Variants in RYR2 observed in about 807,000 individuals in gnomAD.
RYR2 encodes ryanodine receptor 2.
Under a neutral mutation model 601.1 loss-of-function variants are expected in RYR2, and 227 were observed. That is an observed-to-expected ratio of 0.38 (90% CI 0.34 to 0.42). The LOEUF is 0.42. Among genes scored for constraint, RYR2 ranks in the 10% least tolerant of loss-of-function variants. RYR2 has a pLI of 1.00. For synonymous variants in RYR2, 2,223 were observed against 2,175.1 expected (o/e 1.02, Z -0.61); for missense variants, 4,646 against 6,156.5 (o/e 0.75, Z 8.21).
intron 2 of RYR2, among the ~76,000 whole-genome samples, chr1:237,272,755 C>T (rs1214136602): frequency 6.6e-6 from 1 of 151,554 alleles, no homozygotes; most frequent in East Asian, 1.9e-4. Context: ...ATAAGAGACA[C>T]TATGAAAGAG....
At chr1:237,384,177 A>G (rs1359925131) in intron 8 of RYR2, among the ~76,000 whole-genome samples, 2 of 152,224 alleles carry the variant, frequency 1.3e-5, no homozygotes, top group Non-Finnish European at 2.9e-5. Context: ...TCTTAAGGAC[A>G]TATTTGGGAC....
intron 3 of RYR2, among the ~76,000 whole-genome samples, chr1:237,331,469 A>G (rs536735280): frequency 2.0e-5 from 3 of 152,218 alleles, no homozygotes; most frequent in Admixed American, 2.0e-4. Flanking sequence ...GTAATTTTGC[A>G]AACAGCTAAT....
At chr1:237,683,221 A>C (rs1461924467) in intron 62 of RYR2, among the ~76,000 whole-genome samples, 2 of 152,218 alleles carry the variant, frequency 1.3e-5, no homozygotes, top group Non-Finnish European at 2.9e-5. Flanking sequence ...TGTTTAACAG[A>C]CGTGAGTAGC....
At chr1:237,527,133 G>T (rs1667674251) in intron 24 of RYR2, among the ~76,000 whole-genome samples, 1 of 151,916 alleles carries the variant, frequency 6.6e-6, no homozygotes, top group Non-Finnish European at 1.5e-5. Context: ...TTTATTTTTG[G>T]GTTCTGTATT....
chr1:237,525,403 T>G (rs919831003), intron 24 of RYR2, among the ~76,000 whole-genome samples: 2 of 152,118 alleles, frequency 1.3e-5, no homozygotes, highest in African/African-American at 4.8e-5. Context: ...ACTTTGCTAT[T>G]GTAAATAGTG....
rs572524939 is a variant in RYR2, at chr1:237,416,761, C to CAG, written c.774-287_774-286insGA. 3.2e-3 allele frequency among the ~76,000 whole-genome samples: 468 copies of CAG among 147,184 alleles called. 1 individual carries two copies. Among genetic ancestry groups the CAG allele is most frequent in the African/African-American group, 0.01 (404 of 39,690 alleles). ...AGGGATGGGAAGAAACACACACACA[C>CAG]ACAGAGAGAGAGAGAGAGAGAGAAT... On this transcript the variant is annotated intron_variant, in intron 10 of 104. Transcript: ENST00000366574.
intron 1 of RYR2, among the ~76,000 whole-genome samples, chr1:237,072,825 G>C (rs1664535577): frequency 6.6e-6 from 1 of 151,724 alleles, no homozygotes; most frequent in South Asian, 2.1e-4. Context: ...GCAGTCACCT[G>C]TAATCCCAGC....
chr1:237,604,380 C>A (rs1676866282), intron 35 of RYR2, among the ~76,000 whole-genome samples: 1 of 152,014 alleles, frequency 6.6e-6, no homozygotes, highest in Non-Finnish European at 1.5e-5. Context: ...CCAACGAGAA[C>A]AAAGACACAA....
intron 96 of RYR2, among the ~76,000 whole-genome samples, chr1:237,796,567 C>T (rs1355681486): frequency 2.0e-5 from 3 of 152,080 alleles, no homozygotes; most frequent in African/African-American, 7.2e-5. Context: ...TCAGAAAAAG[C>T]CAATTTTTAT....
chr1:237,616,211 A>G (rs1678448762), intron 37 of RYR2, among the ~76,000 whole-genome samples: 1 of 152,210 alleles, frequency 6.6e-6, no homozygotes, highest in African/African-American at 2.4e-5. Context: ...AGATGGTGAC[A>G]CAGAGGGTTT....
At chr1:237,073,698 C>T (rs371766201) in intron 1 of RYR2, among the ~76,000 whole-genome samples, 3 of 151,842 alleles carry the variant, frequency 2.0e-5, no homozygotes, top group Admixed American at 2.0e-4. Context: ...GGCAAAACCC[C>T]GTCTTCACTA....
chr1:237,773,941 C>T (rs374919654), intron 87 of RYR2, among the ~76,000 whole-genome samples: 4 of 152,048 alleles, frequency 2.6e-5, no homozygotes, highest in African/African-American at 7.2e-5. Context: ...GAAGGAAGGG[C>T]GAGCAGGCAC....
intron 20 of RYR2, among the ~76,000 whole-genome samples, chr1:237,498,688 A>G (rs1664327152): frequency 6.6e-6 from 1 of 152,094 alleles, no homozygotes; most frequent in Non-Finnish European, 1.5e-5. Flanking sequence ...TTCTTTCGAT[A>G]CATTAAAAGT....
chr1:237,807,585 C>T (rs1297976117), intron 99 of RYR2, among the ~76,000 whole-genome samples: 1 of 152,174 alleles, frequency 6.6e-6, no homozygotes, highest in Non-Finnish European at 1.5e-5. Context: ...CTTCTGACCT[C>T]AGGTGATCTG....
chr1:237,796,870 C>G (rs1659306689), intron 96 of RYR2, among the ~76,000 whole-genome samples: 1 of 151,998 alleles, frequency 6.6e-6, no homozygotes, highest in East Asian at 1.9e-4. Flanking sequence ...CTGCAATCTC[C>G]ACCTCCTGGG....
In RYR2 at chr1:237,325,178, G is replaced by A. The variant is rs539322945; in HGVS notation, c.169-5700G>A. On this transcript the variant is annotated intron_variant, in intron 2 of 104. Coordinates refer to ENST00000366574, the MANE Select transcript of RYR2 (RefSeq NM_001035.3). ...AGAACACGTTGATTAATCTTCAGCA[G>A]GAATATGGTGTATCTAGATTCTGTG... Among the ~76,000 whole-genome samples, 4 of 152,304 alleles carry A rather than the reference G, an allele frequency of 2.6e-5. No individual in the cohort carries two copies. The South Asian group carries it at 8.3e-4, about 32-fold the overall frequency.
Position 237,502,632 on chromosome 1 carries a change from C to T in RYR2, c.2397-657C>T, listed in dbSNP as rs1218054730. The stretch of plus-strand genomic sequence containing the variant: ...TTCGCACTCCTATGAAAATCTAAGG[C>T]CACTGCTGATCTCACAGGGGGCAGA... On this transcript the variant is annotated intron_variant, in intron 21 of 104. Transcript: ENST00000366574. Among the ~76,000 whole-genome samples the T allele has an allele frequency of 2.6e-5, 4 of 152,066 alleles. No homozygotes were observed. The East Asian group carries it at 7.7e-4, about 29-fold the overall frequency.
At chr1:237,480,378 C>CAA (rs61271895) in intron 17 of RYR2, among the ~76,000 whole-genome samples, 2,326 of 56,756 alleles carry the variant, frequency 0.041, 52 homozygotes, top group Non-Finnish European at 0.069. Flanking sequence ...AAGATCATCT[C>CAA]AAAAAAAAAA....
Position 237,443,161 on chromosome 1 carries a change from C to T in RYR2, c.1170+1678C>T, listed in dbSNP as rs182216669. On this transcript the variant is annotated intron_variant, in intron 13 of 104. Transcript: ENST00000366574. Reference sequence around the variant, plus strand: ...TTTTTTTCTTTGGTGCTGTTCTGTTCGTAAGCCCTTTCTGTACCTTTAAAA... The same window carrying T: ...TTTTTTTCTTTGGTGCTGTTCTGTTTGTAAGCCCTTTCTGTACCTTTAAAA... 6.3e-3 allele frequency among the ~76,000 whole-genome samples: 958 copies of T among 152,082 alleles called. 13 individuals carry two copies. Among genetic ancestry groups the T allele is most frequent in the African/African-American group, 0.022 (905 of 41,466 alleles).
Sources: gnomAD v4.1 joint callset for allele counts (sites outside exome capture counted in the v4.1 genomes callset) on GRCh38, gnomAD v4.1.1 for gene constraint, MANE v1.5 for transcripts, NCBI Gene and HGNC (gene_info 2026-07-23, HGNC 2026-07-21) for gene names.